AQP2: variants seen among roughly 807,000 people sequenced by gnomAD.
AQP2 encodes aquaporin-2.
Under a neutral mutation model 21.6 loss-of-function variants are expected in AQP2, and 20 were observed. The observed-to-expected ratio is 0.92, with a 90% CI of 0.65 to 1.34. The LOEUF is 1.34. Ranked by LOEUF, AQP2 falls within the 40% of genes most tolerant of loss-of-function variation. The probability of loss-of-function intolerance (pLI) is 0.00; values close to 1 mark genes in which losing one functional copy is unlikely to be tolerated. For missense variants in AQP2, 325 were observed against 363.4 expected, an observed-to-expected ratio of 0.89 and a Z score of 0.86; for synonymous variants, 168 against 166.9, an observed-to-expected ratio of 1.01 and a Z score of -0.05.
chr12:49,955,693 G>A lies in AQP2; in HGVS notation c.*85G>A, dbSNP rs1947364325. 1 of 1,475,968 alleles carries A rather than the reference G, an allele frequency of 6.8e-7. No homozygotes were observed. The highest frequency in any genetic ancestry group is 9.1e-7 in the Non-Finnish European group (1 of 1,095,010). 91.4% of individuals were successfully genotyped at this position (1,475,968 alleles called of 1,614,324 possible). A position where few individuals can be genotyped will look rare whatever the true frequency, so the allele number is the denominator to read the frequency against. On this transcript the variant is annotated 3_prime_UTR_variant, in exon 4 of 4. Transcript: ENST00000199280. Reference sequence around the variant, plus strand: ...CCACCCCGTCCCTCCTCTCCCGCAGGTCTGAAGTTGGCCCCCCAGCGCAGA... The same window carrying A: ...CCACCCCGTCCCTCCTCTCCCGCAGATCTGAAGTTGGCCCCCCAGCGCAGA...
rs1947326067 is a variant in AQP2, at chr12:49,951,121, T to C, written c.291T>C (p.Ala97=). Residue 97 remains alanine (A), a synonymous_variant, in exon 1 of 4, where the codon GCT becomes GCC. Transcript: ENST00000199280. ...AFYVAAQLLG[A]VAGAALLHEI... is the part of the protein sequence containing the mutation. ...ACGTGGCTGCCCAGCTGCTGGGGGC[T>C]GTGGCCGGAGCCGCTCTGCTCCATG... 6.2e-7 allele frequency: 1 copy of C among 1,606,958 alleles called. No homozygotes were observed. The highest frequency in any genetic ancestry group is 1.3e-5 in the African/African-American group (1 of 74,858).
rs952858239 is a variant in AQP2 at position 49,958,324 on chromosome 12, C to T, written c.*2716C>T. On this transcript the variant is annotated 3_prime_UTR_variant, in exon 4 of 4. Transcript: ENST00000199280. ...TCTCACAGGTAGTATATGGTGGAGC[C>T]AACACTTGAACTCAGACCTTTTTAC... The T allele has an allele frequency of 1.6e-4, 25 of 152,186 alleles. 1 individual carries two copies. The highest frequency in any genetic ancestry group is 8.8e-5 in the Non-Finnish European group (6 of 68,038). The allele number at this position is 152,186 out of a possible 1,614,324, so 9.4% of individuals were successfully genotyped here. A position where few individuals can be genotyped will look rare whatever the true frequency, so the allele number is the denominator to read the frequency against.
intron 1 of AQP2, 133 bp from the exon 2 acceptor site, chr12:49,954,022 G>A (rs547867325): frequency 2.3e-5 from 30 of 1,278,504 alleles, no homozygotes; most frequent in Middle Eastern, 2.6e-4. Flanking sequence ...CAGCTAAGGC[G>A]TCTGGCAAGC....
chr12:49,953,286 G>A (rs1244559658), intron 1 of AQP2, among the ~76,000 whole-genome samples: 1 of 152,230 alleles, frequency 6.6e-6, no homozygotes, highest in Non-Finnish European at 1.5e-5. Flanking sequence ...AAAGAGCGTG[G>A]GAGCTGAGAG....
At chr12:49,953,106 C>A (rs11834395) in intron 1 of AQP2, among the ~76,000 whole-genome samples, 10 of 152,182 alleles carry the variant, frequency 6.6e-5, no homozygotes, top group African/African-American at 2.2e-4. Flanking sequence ...ATTAAGTAGT[C>A]CCATGGCAAG....
chr12:49,958,667 C>T lies in AQP2; in HGVS notation c.*3059C>T, dbSNP rs1378910179. 6.6e-6 allele frequency: 1 copy of T among 152,262 alleles called. No individual in the cohort carries two copies. The highest frequency in any genetic ancestry group is 1.5e-5 in the Non-Finnish European group (1 of 68,052). The allele number at this position is 152,262 out of a possible 1,614,324, so 9.4% of individuals were successfully genotyped here. ...GGTTCTGAGCTGTCCCATACTCCCA[C>T]TTTGTGCCAAATGACTTTGCACCTG... On this transcript the variant is annotated 3_prime_UTR_variant, in exon 4 of 4. Transcript: ENST00000199280.
chr12:49,955,468 C>A lies in AQP2; in HGVS notation c.676C>A (p.Pro226Thr). ...SLLYNYVLFP[P>T]AKSLSERLAV... ...CCTCTACAACTACGTGCTGTTTCCGCCAGCCAAGAGCCTGTCGGAGCGCCT... is the reference window on the plus strand; with the variant it reads ...CCTCTACAACTACGTGCTGTTTCCGACAGCCAAGAGCCTGTCGGAGCGCCT... The change falls in exon 4 of 4, where the codon CCA becomes ACA. Residue 226 changes from proline (P) to threonine (T), a missense_variant. Transcript: ENST00000199280. 6.2e-7 allele frequency: 1 copy of A among 1,612,862 alleles called. No homozygotes were observed. Among genetic ancestry groups the A allele is most frequent in the Non-Finnish European group, 8.5e-7 (1 of 1,179,848 alleles).
chr12:49,954,195 A>G lies in AQP2; in HGVS notation c.401A>G (p.Glu134Gly). Residue 134 changes from glutamate (E) to glycine (G), a missense_variant, in exon 2 of 4, where the codon GAG (glutamate) becomes GGG (glycine). By Grantham distance (98) the Glu-to-Gly change is moderately conservative. Coordinates refer to ENST00000199280, the MANE Select transcript of AQP2 (RefSeq NM_000486.6). ...ACGGCTGGCCAGGCGGTGACTGTGG[A>G]GCTCTTCCTGACACTGCAGCTGGTG... is the stretch of plus-strand genomic sequence containing the variant. Reference protein sequence around the residue: ...STTAGQAVTVELFLTLQLVLC... With the variant: ...STTAGQAVTVGLFLTLQLVLC... The G allele has an allele frequency of 6.2e-7, 1 of 1,601,706 alleles. No individual in the cohort carries two copies. The highest frequency in any genetic ancestry group is 8.5e-7 in the Non-Finnish European group (1 of 1,179,950).
intron 1 of AQP2, among the ~76,000 whole-genome samples, chr12:49,952,304 C>T (rs566341522): frequency 6.6e-6 from 1 of 152,120 alleles, no homozygotes; most frequent in South Asian, 2.1e-4. Context: ...AGACAGGACT[C>T]GCCACGTTGG....
intron 1 of AQP2, among the ~76,000 whole-genome samples, chr12:49,953,452 G>T (rs997690492): frequency 6.6e-6 from 1 of 152,198 alleles, no homozygotes; most frequent in African/African-American, 2.4e-5. Context: ...CCAAGGCAGG[G>T]TCTGCTGAGA....
rs2137149564 is a variant in AQP2 at position 49,955,914 on chromosome 12, G to C, written c.*306G>C. On this transcript the variant is annotated 3_prime_UTR_variant, in exon 4 of 4. Transcript: ENST00000199280. ...GGAGGGAGGCAGGTGGGTGGTAAGA[G>C]GGAAACTCTGGAGAGCCTGCACCCA... 2 of 568,122 alleles carry C rather than the reference G, an allele frequency of 3.5e-6. No individual in the cohort carries two copies. Among genetic ancestry groups the C allele is most frequent in the East Asian group, 6.2e-5 (2 of 32,516 alleles). The allele number at this position is 568,122 out of a possible 1,614,324, so 35.2% of individuals were successfully genotyped here.
rs1947367201 is a variant in AQP2 at position 49,955,965 on chromosome 12, C to A, written c.*357C>A. ...GGTACTGAGTGGGGAGTGTACAGAC[C>A]CCTGCCTTGGGGGTTCCGGGAATGA... On this transcript the variant is annotated 3_prime_UTR_variant, in exon 4 of 4. Coordinates refer to ENST00000199280, the MANE Select transcript of AQP2 (RefSeq NM_000486.6). The A allele has an allele frequency of 2.1e-6, 1 of 475,690 alleles. No individual in the cohort carries two copies. The highest frequency in any genetic ancestry group is 3.9e-5 in the East Asian group (1 of 25,506). The allele number at this position is 475,690 out of a possible 1,614,324, so 29.5% of individuals were successfully genotyped here. A position where few individuals can be genotyped will look rare whatever the true frequency, so the allele number is the denominator to read the frequency against.
At chr12:49,955,200 T>G (rs1367187890) in intron 3 of AQP2, among the ~76,000 whole-genome samples, 199 bp from the exon 4 acceptor site, 2 of 152,158 alleles carry the variant, frequency 1.3e-5, no homozygotes, top group African/African-American at 2.4e-5. Context: ...GGCAGTGGCT[T>G]CAGAATTCGC....
At chr12:49,952,350 C>G (rs887688263) in intron 1 of AQP2, among the ~76,000 whole-genome samples, 1 of 152,096 alleles carries the variant, frequency 6.6e-6, no homozygotes, top group Non-Finnish European at 1.5e-5. Flanking sequence ...TCAAGTGATC[C>G]ACCCGCCTCA....
At chr12:49,953,370 G>A (rs1463262445) in intron 1 of AQP2, among the ~76,000 whole-genome samples, 5 of 152,182 alleles carry the variant, frequency 3.3e-5, no homozygotes, top group Non-Finnish European at 7.4e-5. Context: ...CAAAACCCAA[G>A]GAGAAATCCA....
rs185701115 is a variant in AQP2, at chr12:49,956,081, C to G, written c.*473C>G. 1.1e-4 allele frequency: 25 copies of G among 230,708 alleles called. No individual in the cohort carries two copies. Among genetic ancestry groups the G allele is most frequent in the African/African-American group, 5.3e-4 (23 of 43,678 alleles). 14.3% of individuals were successfully genotyped at this position (230,708 alleles called of 1,614,324 possible). Reference sequence around the variant, plus strand: ...AGTTGTGCATGCCCCTGAGTGTGAACAGGTTTGCCTACGTTGGTGCAAGTG... The same window carrying G: ...AGTTGTGCATGCCCCTGAGTGTGAAGAGGTTTGCCTACGTTGGTGCAAGTG... On this transcript the variant is annotated 3_prime_UTR_variant, in exon 4 of 4. Coordinates refer to ENST00000199280, the MANE Select transcript of AQP2 (RefSeq NM_000486.6).
At position 49,951,010 on chromosome 12, in the gene AQP2, C is replaced by A; in HGVS notation, c.180C>A (p.Gly60=). ...LGIGTLVQAL[G]HISGAHINPA... ...TTGGCACCCTGGTACAGGCTCTGGG[C>A]CACATAAGCGGGGCCCACATCAACC... Residue 60 remains glycine, a synonymous_variant, in exon 1 of 4, where the codon GGC becomes GGA. Transcript: ENST00000199280. The A allele has an allele frequency of 2.5e-6, 4 of 1,614,090 alleles. No individual in the cohort carries two copies. The highest frequency in any genetic ancestry group is 3.4e-6 in the Non-Finnish European group (4 of 1,180,036).
At position 49,951,196 on chromosome 12, in the gene AQP2, T is replaced by C; in HGVS notation, c.360+6T>C. The C allele has an allele frequency of 6.2e-7, 1 of 1,601,690 alleles. No homozygotes were observed. Among genetic ancestry groups the C allele is most frequent in the South Asian group, 1.1e-5 (1 of 88,728 alleles). On this transcript the variant is annotated splice_donor_region_variant and intron_variant, in intron 1 of 3. Coordinates refer to ENST00000199280, the MANE Select transcript of AQP2 (RefSeq NM_000486.6). Reference sequence around the variant, plus strand: ...GGGACCTGGCTGTCAATGCTGTGAGTAGCCACAACTTTGCCATCCACAAGG... The same window carrying C: ...GGGACCTGGCTGTCAATGCTGTGAGCAGCCACAACTTTGCCATCCACAAGG...
intron 3 of AQP2, 71 bp from the exon 4 acceptor site, chr12:49,955,328 C>T (rs570102375): frequency 1.3e-5 from 20 of 1,485,070 alleles, no homozygotes; most frequent in Non-Finnish European, 1.7e-5. Flanking sequence ...CAGAGTGTGC[C>T]GCCGGGGCCT....
Sources: gnomAD v4.1 joint callset for allele counts (sites outside exome capture counted in the v4.1 genomes callset) on GRCh38, gnomAD v4.1.1 for gene constraint, MANE v1.5 for transcripts, NCBI Gene and HGNC (gene_info 2026-07-23, HGNC 2026-07-21) for gene names.